PTPRD: variants seen among roughly 807,000 people sequenced by gnomAD.
The protein encoded by PTPRD is receptor-type tyrosine-protein phosphatase delta.
Under a neutral mutation model 214.5 loss-of-function variants are expected in PTPRD, and 34 were observed. The observed-to-expected ratio is 0.16, with a 90% CI of 0.12 to 0.21. The LOEUF (loss-of-function observed/expected upper bound fraction) is 0.21. PTPRD is among the 10% of genes least tolerant of loss of function. The pLI is 1.00. For missense variants in PTPRD, 2,545 were observed against 2,398.7 expected, an observed-to-expected ratio of 1.06 and a Z score of -1.27; for synonymous variants, 1,128 against 845.7, an observed-to-expected ratio of 1.33 and a Z score of -5.79.
At chr9:10,049,428 AAAG>A (rs1382668947) in intron 3 of PTPRD, among the ~76,000 whole-genome samples, 7 of 133,756 alleles carry the variant, frequency 5.2e-5, no homozygotes, top group African/African-American at 2.1e-4. Context: ...AGAAAGAAAG[AAAG>A]AAAGAAAAGA....
intron 3 of PTPRD, among the ~76,000 whole-genome samples, chr9:10,317,146 T>C (rs2096456477): frequency 6.6e-6 from 1 of 151,896 alleles, no homozygotes; most frequent in South Asian, 2.1e-4. Flanking sequence ...ATAGAAACAC[T>C]AATGCAAAAA....
intron 2 of PTPRD, among the ~76,000 whole-genome samples, chr9:10,497,538 T>C (rs1237539186): frequency 6.6e-6 from 1 of 152,052 alleles, no homozygotes; most frequent in Non-Finnish European, 1.5e-5. Context: ...CAAACATGTA[T>C]TTTATTTGCG....
At chr9:10,463,404 A>G (rs1161265604) in intron 2 of PTPRD, among the ~76,000 whole-genome samples, 1 of 152,164 alleles carries the variant, frequency 6.6e-6, no homozygotes, top group African/African-American at 2.4e-5. Context: ...AAAGGAGATG[A>G]CAGATATTGA....
chr9:9,853,933 C>A (rs1367285029), intron 5 of PTPRD, among the ~76,000 whole-genome samples: 2 of 152,198 alleles, frequency 1.3e-5, no homozygotes, highest in Admixed American at 6.5e-5. Context: ...TGTGTATACA[C>A]TGTGTAATAA....
intron 2 of PTPRD, among the ~76,000 whole-genome samples, chr9:10,588,614 C>T (rs2074580065): frequency 1.3e-5 from 2 of 151,910 alleles, no homozygotes; most frequent in Non-Finnish European, 2.9e-5. Flanking sequence ...AGCAAATATT[C>T]AGTAAAAGAC....
intron 39 of PTPRD, among the ~76,000 whole-genome samples, chr9:8,350,247 T>A (rs2075076486): frequency 6.6e-6 from 1 of 152,106 alleles, no homozygotes; most frequent in African/African-American, 2.4e-5. Flanking sequence ...CTTTTCTGAT[T>A]AATGTGGTGG....
At chr9:10,075,171 T>A (rs1031456189) in intron 3 of PTPRD, among the ~76,000 whole-genome samples, 1 of 152,116 alleles carries the variant, frequency 6.6e-6, no homozygotes, top group Non-Finnish European at 1.5e-5. Context: ...GGCTTGTATC[T>A]TTTGCTGAGT....
chr9:9,419,958 C>T (rs7029931), intron 8 of PTPRD, among the ~76,000 whole-genome samples: 73,080 of 151,244 alleles, frequency 0.48, 17,915 homozygotes, highest in East Asian at 0.62. Flanking sequence ...CCAGCACCGA[C>T]GTAAGACTTT....
chr9:10,096,476 T>A (rs1416727858), intron 3 of PTPRD, among the ~76,000 whole-genome samples: 1 of 152,024 alleles, frequency 6.6e-6, no homozygotes, highest in African/African-American at 2.4e-5. Context: ...GATTTGCATT[T>A]CTCTGATGGC....
chr9:8,379,014 A>C (rs1212292776), intron 37 of PTPRD, among the ~76,000 whole-genome samples: 1 of 152,142 alleles, frequency 6.6e-6, no homozygotes, highest in Non-Finnish European at 1.5e-5. Flanking sequence ...ACCAGGAAGC[A>C]TTACTGTAAG....
intron 8 of PTPRD, among the ~76,000 whole-genome samples, chr9:9,440,420 C>A (rs2087108109): frequency 6.6e-6 from 1 of 152,010 alleles, no homozygotes; most frequent in East Asian, 1.9e-4. Context: ...TAGAAAGGGG[C>A]AATTAATTTG....
intron 5 of PTPRD, among the ~76,000 whole-genome samples, chr9:9,867,320 C>A (rs972587395): frequency 6.6e-6 from 1 of 152,046 alleles, no homozygotes; most frequent in Non-Finnish European, 1.5e-5. Context: ...AATCATTATA[C>A]CCAGTCTCAA....
chr9:9,173,394 G>A (rs936363919), intron 10 of PTPRD, among the ~76,000 whole-genome samples: 1 of 152,062 alleles, frequency 6.6e-6, no homozygotes, highest in Non-Finnish European at 1.5e-5. Flanking sequence ...ATTTGTACTG[G>A]TTGGGTCATG....
At chr9:9,621,834 C>T (rs934960861) in intron 7 of PTPRD, among the ~76,000 whole-genome samples, 3 of 152,144 alleles carry the variant, frequency 2.0e-5, no homozygotes, top group African/African-American at 7.2e-5. Flanking sequence ...AGTGTGCTGC[C>T]TGTGGTGTTC....
At chr9:8,668,016 T>A (rs1474277514) in intron 12 of PTPRD, among the ~76,000 whole-genome samples, 4 of 151,990 alleles carry the variant, frequency 2.6e-5, no homozygotes, top group Admixed American at 2.6e-4. Flanking sequence ...GAAAATAAAC[T>A]ATAAATCATG....
At chr9:10,535,714 T>C (rs914344487) in intron 2 of PTPRD, among the ~76,000 whole-genome samples, 1 of 152,082 alleles carries the variant, frequency 6.6e-6, no homozygotes, top group African/African-American at 2.4e-5. Flanking sequence ...ATATAAAACA[T>C]CATTACATGA....
chr9:10,147,177 A>C (rs551634522), intron 3 of PTPRD, among the ~76,000 whole-genome samples: 58 of 152,250 alleles, frequency 3.8e-4, no homozygotes, highest in African/African-American at 1.4e-3. Flanking sequence ...TTGTCCGTGC[A>C]GTGCAAAGTG....
chr9:9,339,555 G>T (rs1007167705), intron 9 of PTPRD, among the ~76,000 whole-genome samples: 4 of 152,078 alleles, frequency 2.6e-5, no homozygotes, highest in Non-Finnish European at 4.4e-5. Flanking sequence ...TGCAATAAGT[G>T]CCTGGTATAG....
At chr9:10,172,129 T>G (rs1202588423) in intron 3 of PTPRD, among the ~76,000 whole-genome samples, 1 of 152,176 alleles carries the variant, frequency 6.6e-6, no homozygotes, top group African/African-American at 2.4e-5. Context: ...AGTCAAAATC[T>G]AAAGACGACC....
Sources: gnomAD v4.1 joint callset for allele counts (sites outside exome capture counted in the v4.1 genomes callset) on GRCh38, gnomAD v4.1.1 for gene constraint, MANE v1.5 for transcripts, NCBI Gene and HGNC (gene_info 2026-07-23, HGNC 2026-07-21) for gene names.